BICRA: variants seen among roughly 807,000 people sequenced by gnomAD.
BICRA encodes the protein BRD4 interacting chromatin remodeling complex associated protein.
In BICRA, 31 loss-of-function variants were observed where a neutral mutation model predicts 96.9. That is an observed-to-expected ratio of 0.32 (90% CI 0.24 to 0.43). The LOEUF is 0.43. Among genes scored for constraint, BICRA ranks in the 20% least tolerant of loss-of-function variants. The probability of loss-of-function intolerance (pLI) is 1.00; values close to 1 mark genes in which losing one functional copy is unlikely to be tolerated. For synonymous variants in BICRA, 1,350 were observed against 1,071.8 expected (o/e 1.26, Z -5.07); for missense variants, 2,283 against 2,190.3 (o/e 1.04, Z -0.84).
intron 1 of BICRA, among the ~76,000 whole-genome samples, chr19:47,646,022 C>T (rs55783357): frequency 0.13 from 19,301 of 152,152 alleles, 1,338 homozygotes; most frequent in East Asian, 0.18. Context: ...CTCTTGAGCC[C>T]AGGAAGTTGA....
At chr19:47,688,013 A>G (rs1175332462) in intron 7 of BICRA, among the ~76,000 whole-genome samples, 1 of 152,080 alleles carries the variant, frequency 6.6e-6, no homozygotes, top group African/African-American at 2.4e-5. Flanking sequence ...TTACTGACAC[A>G]CGAGATTAGC....
intron 1 of BICRA, among the ~76,000 whole-genome samples, chr19:47,666,573 G>A (rs1972782650): frequency 7.4e-6 from 1 of 135,052 alleles, no homozygotes; most frequent in African/African-American, 2.7e-5. Context: ...CACCACGCCC[G>A]GCCTTCTTTT....
chr19:47,637,698 A>C (rs1568553211), intron 1 of BICRA, among the ~76,000 whole-genome samples: 1 of 152,004 alleles, frequency 6.6e-6, no homozygotes, highest in Non-Finnish European at 1.5e-5. Context: ...GCCACTCCCC[A>C]TCCCCTGCTC....
upstream of BICRA, among the ~76,000 whole-genome samples, chr19:47,608,658 A>C: frequency 6.7e-6 from 1 of 150,242 alleles, no homozygotes; most frequent in African/African-American, 2.5e-5. Context: ...GCGCCCCTGA[A>C]CCCCCGGGAC....
intron 1 of BICRA, among the ~76,000 whole-genome samples, chr19:47,627,042 C>T (rs1265974384): frequency 6.6e-6 from 1 of 152,072 alleles, no homozygotes; most frequent in East Asian, 1.9e-4. Flanking sequence ...TTTTATTCAT[C>T]AAGCCTCGCT....
At chr19:47,655,972 C>T (rs931783060) in intron 1 of BICRA, among the ~76,000 whole-genome samples, 8 of 149,928 alleles carry the variant, frequency 5.3e-5, no homozygotes, top group East Asian at 2.0e-4. Context: ...TGGTAGCTCA[C>T]GCCTGTAACC....
rs779284186 is a variant in BICRA at position 47,694,933 on chromosome 19, G to C, written c.2929G>C (p.Gly977Arg). 2.5e-5 allele frequency: 38 copies of C among 1,524,764 alleles called. No homozygotes were observed. The highest frequency in any genetic ancestry group is 9.1e-5 in the East Asian group (4 of 43,756). 94.5% of individuals were successfully genotyped at this position (1,524,764 alleles called of 1,614,324 possible). The part of the protein sequence containing the change: ...PSGIILQNKA[G>R]GAPAAPQTST... ...CGGAATCATCCTCCAGAACAAGGCT[G>C]GGGGGGCCCCTGCCGCCCCGCAGAC... The change falls in exon 9 of 15, where the codon GGG becomes CGG. Residue 977 changes from glycine to arginine, a missense_variant. Coordinates refer to ENST00000594866, the MANE Select transcript of BICRA (RefSeq NM_001394372.1).
Position 47,679,669 on chromosome 19 carries a change from C to G in BICRA, c.499C>G (p.Leu167Val), listed in dbSNP as rs1308480195. The G allele has an allele frequency of 6.6e-7, 1 of 1,516,218 alleles. No homozygotes were observed. Among genetic ancestry groups the G allele is most frequent in the Admixed American group, 2.2e-5 (1 of 46,146 alleles). The allele number at this position is 1,516,218 out of a possible 1,614,324, so 93.9% of individuals were successfully genotyped here. Residue 167 changes from leucine (L) to valine (V), a missense_variant, in exon 6 of 15, where the codon CTG (leucine) becomes GTG (valine). Transcript: ENST00000594866. ...QALFPGSTDL[L>V]GLQGPPTVLT... is the part of the protein sequence containing the mutation. ...CCTCTTCCCAGGCAGCACCGACCTG[C>G]TGGGGCTGCAGGGCCCGCCTACCGT... is the stretch of plus-strand genomic sequence containing the variant.
intron 1 of BICRA, among the ~76,000 whole-genome samples, chr19:47,668,377 A>C (rs1248970689): frequency 6.6e-6 from 1 of 152,182 alleles, no homozygotes; most frequent in African/African-American, 2.4e-5. Flanking sequence ...GCTGCCTGAC[A>C]TGCAGGTTCC....
chr19:47,685,614 A>T (rs1416646650), intron 7 of BICRA, among the ~76,000 whole-genome samples: 1 of 152,140 alleles, frequency 6.6e-6, no homozygotes, highest in Non-Finnish European at 1.5e-5. Context: ...AATGCACGGA[A>T]TAGCAGTTCC....
rs1440714818 is a variant in BICRA at position 47,680,808 on chromosome 19, C to T, written c.1638C>T (p.Pro546=). 3.1e-6 allele frequency: 5 copies of T among 1,607,768 alleles called. No homozygotes were observed. In the Admixed American group the frequency reaches 6.7e-5, roughly 22 times the overall value. ...AHSAHILSAA[P]IQVGQPALFQ... is the part of the protein sequence containing the mutation. ...GCGCGCACATCCTCTCCGCCGCTCCCATCCAGGTGGGCCAGCCTGCGCTCT... is the reference window on the plus strand; with the variant it reads ...GCGCGCACATCCTCTCCGCCGCTCCTATCCAGGTGGGCCAGCCTGCGCTCT... The change falls in exon 6 of 15, where the codon CCC becomes CCT. Residue 546 remains proline, a synonymous_variant. Transcript: ENST00000594866.
At chr19:47,625,478 C>T (rs1972127167) in intron 1 of BICRA, among the ~76,000 whole-genome samples, 1 of 152,114 alleles carries the variant, frequency 6.6e-6, no homozygotes, top group South Asian at 2.1e-4. Flanking sequence ...CTTCACTTCA[C>T]TGAGCTTATT....
At chr19:47,656,816 T>G (rs1201115866) in intron 1 of BICRA, among the ~76,000 whole-genome samples, 1 of 152,138 alleles carries the variant, frequency 6.6e-6, no homozygotes, top group Admixed American at 6.6e-5. Context: ...CGGCCACACG[T>G]CTGATATTTT....
rs753935115 is a variant in BICRA at position 47,682,135 on chromosome 19, C to T, written c.2266C>T (p.Pro756Ser). Residue 756 changes from proline (P) to serine (S), a missense_variant, in exon 7 of 15, where the codon CCG becomes TCG. Physicochemically the swap from Pro to Ser is moderately conservative, Grantham distance 74. Coordinates refer to ENST00000594866, the MANE Select transcript of BICRA (RefSeq NM_001394372.1). ...GPQAPDSQASPAPAPQIPAAA... is the reference protein window; with the variant it reads ...GPQAPDSQASSAPAPQIPAAA... ...TCAGGCCCCCGACAGCCAGGCTTCCCCGGCTCCGGCCCCCCAGGTAGAGGG... is the reference window on the plus strand; with the variant it reads ...TCAGGCCCCCGACAGCCAGGCTTCCTCGGCTCCGGCCCCCCAGGTAGAGGG... 8.1e-6 allele frequency: 12 copies of T among 1,478,752 alleles called. No homozygotes were observed. The highest frequency in any genetic ancestry group is 1.1e-5 in the Non-Finnish European group (12 of 1,091,304). The allele number at this position is 1,478,752 out of a possible 1,614,324, so 91.6% of individuals were successfully genotyped here. A position where few individuals can be genotyped will look rare whatever the true frequency, so the allele number is the denominator to read the frequency against.
chr19:47,620,240 C>T (rs1048043546), intron 1 of BICRA, among the ~76,000 whole-genome samples: 2 of 152,140 alleles, frequency 1.3e-5, no homozygotes, highest in Non-Finnish European at 2.9e-5. Context: ...CCTGTGTTCT[C>T]AGCTCCTGGT....
intron 1 of BICRA, among the ~76,000 whole-genome samples, chr19:47,644,166 G>A (rs1459800385): frequency 1.3e-5 from 2 of 151,758 alleles, no homozygotes; most frequent in Non-Finnish European, 2.9e-5. Context: ...CTACAGGTGT[G>A]CCCATGATGC....
chr19:47,609,861 A>G (rs1971871871), intron 1 of BICRA, among the ~76,000 whole-genome samples: 1 of 151,676 alleles, frequency 6.6e-6, no homozygotes, highest in Admixed American at 6.5e-5. Flanking sequence ...ACCGCCCCTA[A>G]ACAATGAAAG....
rs889337 is a variant in BICRA at position 47,681,290 on chromosome 19, G to A, written c.2106+14G>A. 0.47 allele frequency: 718,149 copies of A among 1,540,738 alleles called. 170,459 individuals are homozygous for A. The highest frequency in any genetic ancestry group is 0.67 in the East Asian group (28,190 of 41,876). On this transcript the variant is annotated intron_variant, in intron 6 of 14. Coordinates refer to ENST00000594866, the MANE Select transcript of BICRA (RefSeq NM_001394372.1). ...TTCCTGCCCCAGGTAAGCAGGGCGG[G>A]GCAAGGGAGCAGGTACCGGAGGAGG...
At chr19:47,609,366 C>T (rs1163423953) in intron 1 of BICRA, among the ~76,000 whole-genome samples, 198 bp downstream of exon 1, 1 of 135,762 alleles carries the variant, frequency 7.4e-6, no homozygotes, top group Non-Finnish European at 1.6e-5. Flanking sequence ...GGCGCAGCGC[C>T]CGCTGCCTCC....
Sources: gnomAD v4.1 joint callset for allele counts (sites outside exome capture counted in the v4.1 genomes callset) on GRCh38, gnomAD v4.1.1 for gene constraint, MANE v1.5 for transcripts, NCBI Gene and HGNC (gene_info 2026-07-23, HGNC 2026-07-21) for gene names.